The following KLHDC4 variants were observed in gnomAD, a reference collection of about 807,000 sequenced individuals.
KLHDC4 encodes the protein kelch domain containing 4.
Under a neutral mutation model 62.4 loss-of-function variants are expected in KLHDC4, and 90 were observed. The observed-to-expected ratio is 1.44, with a 90% CI of 1.22 to 1.72. KLHDC4 has a LOEUF of 1.72. KLHDC4 is among the 40% of genes most tolerant of loss of function. The probability of loss-of-function intolerance (pLI) is 0.00; values close to 1 mark genes in which losing one functional copy is unlikely to be tolerated. For synonymous variants in KLHDC4, 386 were observed against 284.4 expected (o/e 1.36, Z -3.59); for missense variants, 1,025 against 699.7 (o/e 1.47, Z -5.25).
intron 7 of KLHDC4, among the ~76,000 whole-genome samples, chr16:87,721,650 G>C (rs150307091): frequency 1.1e-4 from 16 of 152,260 alleles, no homozygotes; most frequent in African/African-American, 3.8e-4. Context: ...GTCCACACTC[G>C]CAACAACTCT....
chr16:87,765,466 C>G (rs1022438501), intron 1 of KLHDC4: 5 of 501,080 alleles, frequency 1.0e-5, no homozygotes, highest in African/African-American at 7.7e-5. Context: ...TTCTCACCAC[C>G]CAGCCTCCCT....
intron 10 of KLHDC4, among the ~76,000 whole-genome samples, 158 bp downstream of exon 10, chr16:87,709,107 C>T (rs1656971473): frequency 6.6e-6 from 1 of 152,274 alleles, no homozygotes; most frequent in Non-Finnish European, 1.5e-5. Flanking sequence ...CAACAGGGTC[C>T]TGTTCTCCGT....
intron 10 of KLHDC4, 51 bp from the exon 11 acceptor site, chr16:87,708,517 G>A (rs376881884): frequency 9.8e-6 from 14 of 1,427,102 alleles, no homozygotes; most frequent in African/African-American, 4.2e-5. Context: ...TGAGGCAGGT[G>A]GGGGAGGCTG....
In KLHDC4 at chr16:87,709,411, T is replaced by C. The variant is rs192115185; in HGVS notation, c.1301A>G (p.Asn434Ser). The change falls in exon 10 of 12, where the codon AAC becomes AGC. Residue 434 changes from asparagine (N) to serine (S), a missense_variant. By Grantham distance (46) the Asn-to-Ser change is conservative. Coordinates refer to ENST00000270583, the MANE Select transcript of KLHDC4 (RefSeq NM_017566.4). ...CCCATGCTTCACAGCCAGCATGGCGTTGGAGCGTGGACACGGCCCAGGTGC... is the reference window on the plus strand; with the variant it reads ...CCCATGCTTCACAGCCAGCATGGCGCTGGAGCGTGGACACGGCCCAGGTGC... ...SPAPGPCPRSNAMLAVKHGVL... is the reference protein window; with the variant it reads ...SPAPGPCPRSSAMLAVKHGVL... 103 of 1,613,230 alleles carry C rather than the reference T, an allele frequency of 6.4e-5. 1 individual carries two copies. The highest frequency in any genetic ancestry group is 3.3e-4 in the Middle Eastern group (2 of 6,062).
At chr16:87,738,385 A>G (rs1230325673) in intron 5 of KLHDC4, among the ~76,000 whole-genome samples, 1 of 151,632 alleles carries the variant, frequency 6.6e-6, no homozygotes, top group Non-Finnish European at 1.5e-5. Flanking sequence ...ACACATCTAT[A>G]TCTTCATCCA....
chr16:87,736,979 G>A (rs577802899), intron 5 of KLHDC4, among the ~76,000 whole-genome samples: 64 of 151,720 alleles, frequency 4.2e-4, no homozygotes, highest in African/African-American at 1.5e-3. Flanking sequence ...TATAACATTA[G>A]CCAGGCATGG....
At chr16:87,715,767 G>A (rs898124457) in intron 7 of KLHDC4, among the ~76,000 whole-genome samples, 5 of 152,178 alleles carry the variant, frequency 3.3e-5, no homozygotes, top group African/African-American at 4.8e-5. Flanking sequence ...GACATCGACC[G>A]CCTGGCTGAG....
At chr16:87,715,099 C>T (rs2036679631) in intron 7 of KLHDC4, among the ~76,000 whole-genome samples, 1 of 152,184 alleles carries the variant, frequency 6.6e-6, no homozygotes, top group African/African-American at 2.4e-5. Context: ...TCAGCTGGAC[C>T]AGGTGCACTG....
intron 5 of KLHDC4, among the ~76,000 whole-genome samples, chr16:87,736,938 A>C (rs2041416573): frequency 6.6e-6 from 1 of 151,858 alleles, no homozygotes; most frequent in South Asian, 2.1e-4. Flanking sequence ...CAGCCTGGCC[A>C]ACATGGTAAA....
At chr16:87,712,041 G>A (rs2142941670) in intron 8 of KLHDC4, among the ~76,000 whole-genome samples, 1 of 152,034 alleles carries the variant, frequency 6.6e-6, no homozygotes, top group African/African-American at 2.4e-5. Context: ...CCTGCACAGG[G>A]ACCCTTCGCC....
rs568461381 is a variant in KLHDC4, at chr16:87,735,187, C to T, written c.507-4543G>A. Among the ~76,000 whole-genome samples the T allele has an allele frequency of 2.6e-5, 4 of 151,918 alleles. No individual in the cohort carries two copies. The East Asian group carries it at 7.7e-4, about 29-fold the overall frequency. On this transcript the variant is annotated intron_variant, in intron 5 of 11. Transcript: ENST00000270583. ...TGGTGGCGGGCGCCTGTAGTCCCAG[C>T]TACTCAGGAGGCTGAGGCAGGAGAA... is the stretch of plus-strand genomic sequence containing the variant.
downstream of KLHDC4, among the ~76,000 whole-genome samples, chr16:87,706,622 A>G (rs1238882967): frequency 6.6e-6 from 1 of 152,184 alleles, no homozygotes; most frequent in Non-Finnish European, 1.5e-5. Flanking sequence ...GTCAAGTGAC[A>G]ATGGAAGCCT....
chr16:87,725,312 C>A (rs2039155388), intron 7 of KLHDC4, among the ~76,000 whole-genome samples: 3 of 152,154 alleles, frequency 2.0e-5, no homozygotes, highest in African/African-American at 7.2e-5. Flanking sequence ...ACTACAGGCG[C>A]CCGCCACCAC....
chr16:87,727,703 G>A (rs1479015044), intron 6 of KLHDC4, among the ~76,000 whole-genome samples: 4 of 152,226 alleles, frequency 2.6e-5, no homozygotes, highest in Non-Finnish European at 5.9e-5. Context: ...CAATTATCGT[G>A]AAAGCGTAAG....
chr16:87,765,388 A>T (rs1163012994), intron 1 of KLHDC4: 1 of 472,660 alleles, frequency 2.1e-6, no homozygotes, highest in Admixed American at 2.3e-5. Flanking sequence ...TCTTACTCCC[A>T]GACCACACAT....
At chr16:87,702,448 G>C (rs2034188467) in exon 1 of KLHDC4, 1 of 364,034 alleles carries the variant, frequency 2.7e-6, no homozygotes, top group Admixed American at 3.7e-5. Context: ...TTGGGCCTCT[G>C]GGGAGCCCGC....
chr16:87,719,852 G>C (rs1016547210), intron 7 of KLHDC4, among the ~76,000 whole-genome samples: 1 of 152,182 alleles, frequency 6.6e-6, no homozygotes, highest in African/African-American at 2.4e-5. Flanking sequence ...GAATTACTTA[G>C]CATCCGGCTG....
chr16:87,750,007 C>A (rs1250589223), intron 4 of KLHDC4, among the ~76,000 whole-genome samples: 1 of 152,206 alleles, frequency 6.6e-6, no homozygotes, highest in Non-Finnish European at 1.5e-5. Flanking sequence ...GAGGAGAGAG[C>A]AGACCACCAA....
intron 4 of KLHDC4, among the ~76,000 whole-genome samples, chr16:87,753,474 C>T (rs1254000964): frequency 6.6e-6 from 1 of 152,132 alleles, no homozygotes; most frequent in Non-Finnish European, 1.5e-5. Context: ...CACCTCAGGA[C>T]AAAATGCAAC....
Sources: allele counts gnomAD v4.1 joint callset (sites outside exome capture counted in the v4.1 genomes callset), GRCh38; gene constraint gnomAD v4.1.1; transcripts MANE v1.5; gene names NCBI Gene and HGNC (gene_info 2026-07-23, HGNC 2026-07-21).